Variants in DDX17 observed in about 807,000 individuals in gnomAD.
The protein encoded by DDX17 is probable ATP-dependent RNA helicase DDX17.
In DDX17, 10 loss-of-function variants were observed where a neutral mutation model predicts 80.8. That is an observed-to-expected ratio of 0.12 (90% confidence interval 0.08 to 0.21). DDX17 has a LOEUF of 0.21. DDX17 is among the 10% of genes least tolerant of loss of function. The pLI is 1.00. For missense variants in DDX17, 586 were observed against 957.4 expected (o/e 0.61, Z 5.12); for synonymous variants, 339 against 336.2 (o/e 1.01, Z -0.09).
intron 11 of DDX17, chr22:38,490,522 TC>T: frequency 8.7e-7 from 1 of 1,154,940 alleles, no homozygotes; most frequent in Non-Finnish European, 1.1e-6. Context: ...ATAAAAAATA[TC>T]CCAGTGGAAA....
chr22:38,492,962 A>C (rs1456564592), intron 10 of DDX17, among the ~76,000 whole-genome samples: 1 of 152,204 alleles, frequency 6.6e-6, no homozygotes, highest in Admixed American at 6.5e-5. Context: ...TTATATTTTT[A>C]TAATCAGAAG....
At position 38,483,759 on chromosome 22, in the gene DDX17, C is replaced by T. The variant is rs937477440; in HGVS notation, c.*2176G>A. On this transcript the variant is annotated 3_prime_UTR_variant, in exon 13 of 13. Transcript: ENST00000403230. ...ACCCTTTCCCTAAGTTGAGTTTCAA[C>T]CATGAATGCAATAACTAGCATAAAA... 3 of 152,228 alleles carry T rather than the reference C, an allele frequency of 2.0e-5. No individual in the cohort carries two copies. The highest frequency in any genetic ancestry group is 7.2e-5 in the African/African-American group (3 of 41,442). The allele number at this position is 152,228 out of a possible 1,614,324, so 9.4% of individuals were successfully genotyped here. A position where few individuals can be genotyped will look rare whatever the true frequency, so the allele number is the denominator to read the frequency against.
intron 11 of DDX17, chr22:38,488,543 C>A: frequency 4.0e-6 from 4 of 1,000,318 alleles, no homozygotes; most frequent in Non-Finnish European, 4.8e-6. Context: ...TTGGGAGAAG[C>A]CTGGCAAAAT....
At chr22:38,505,129 G>A (rs1171251556) in intron 1 of DDX17, 2 of 152,164 alleles carry the variant, frequency 1.3e-5, no homozygotes, top group African/African-American at 2.4e-5. Flanking sequence ...GGCTGGTCTC[G>A]AACTCCTGAC....
chr22:38,494,611 A>T lies in DDX17; in HGVS notation c.1214+19T>A. ...AGGTTTATCAGCATTATCAAATCAG[A>T]GTAAAATATCTTTCATACTTGTGGT... On this transcript the variant is annotated intron_variant, in intron 8 of 12. Transcript: ENST00000403230. The T allele has an allele frequency of 6.2e-7, 1 of 1,611,578 alleles. No homozygotes were observed. The highest frequency in any genetic ancestry group is 1.1e-5 in the South Asian group (1 of 90,914).
At chr22:38,496,226 T>C (rs952802568) in intron 5 of DDX17, among the ~76,000 whole-genome samples, 5 of 152,302 alleles carry the variant, frequency 3.3e-5, no homozygotes, top group East Asian at 1.9e-4. Context: ...AGTGGAGATA[T>C]AGATTGTATT....
intron 5 of DDX17, among the ~76,000 whole-genome samples, chr22:38,497,634 A>AAAGAAAG (rs2089783549): frequency 6.7e-6 from 1 of 149,778 alleles, no homozygotes. Context: ...AAAAAAAAAA[A>AAAGAAAG]AAAGAAAGAA....
At chr22:38,497,363 T>A (rs1296196515) in intron 5 of DDX17, among the ~76,000 whole-genome samples, 8 of 131,208 alleles carry the variant, frequency 6.1e-5, no homozygotes, top group African/African-American at 2.3e-4. Flanking sequence ...ACACCTGTAA[T>A]CCCAGCACCT....
chr22:38,504,880 A>AT (rs1491566801), intron 1 of DDX17, among the ~76,000 whole-genome samples: 2 of 151,700 alleles, frequency 1.3e-5, no homozygotes, highest in African/African-American at 4.9e-5. Flanking sequence ...ACACACACAC[A>AT]TATCAAGTGG....
intron 2 of DDX17, among the ~76,000 whole-genome samples, chr22:38,499,791 C>T (rs1196273373): frequency 6.6e-6 from 1 of 152,196 alleles, no homozygotes; most frequent in Non-Finnish European, 1.5e-5. Flanking sequence ...GACCCAAGTA[C>T]TCTTTCCATT....
intron 5 of DDX17, among the ~76,000 whole-genome samples, chr22:38,497,318 A>AAAAAAAAAAAC: frequency 6.9e-6 from 1 of 144,464 alleles, no homozygotes; most frequent in Non-Finnish European, 1.5e-5. Flanking sequence ...AAAAAAAAAA[A>AAAAAAAAAAAC]AAAAGTACAC....
At position 38,489,893 on chromosome 22, in the gene DDX17, G is replaced by A. The variant is rs536135539; in HGVS notation, c.1448-1778C>T. ...ATGGTATCTTCAGAGCTAGGATAAT[G>A]CTCCTTATGCAATCCCACTGCATAT... On this transcript the variant is annotated intron_variant, in intron 11 of 12. Coordinates refer to ENST00000403230, the MANE Select transcript of DDX17 (RefSeq NM_006386.5). This position sits in a 1 kb window ranked among gnomAD's most constrained non-coding sequence, Gnocchi z 4.6. 7.1e-6 allele frequency: 7 copies of A among 986,916 alleles called. No individual in the cohort carries two copies. The African/African-American group carries it at 8.7e-5, about 12-fold the overall frequency. The allele number at this position is 986,916 out of a possible 1,614,324, so 61.1% of individuals were successfully genotyped here.
chr22:38,497,183 C>A (rs2089777024), intron 5 of DDX17, among the ~76,000 whole-genome samples: 1 of 147,476 alleles, frequency 6.8e-6, no homozygotes, highest in Admixed American at 7.0e-5. Context: ...GTAATCCCAG[C>A]TGCTTGGGAA....
chr22:38,493,440 G>A, intron 10 of DDX17: 1 of 348,448 alleles, frequency 2.9e-6, no homozygotes, highest in South Asian at 5.9e-5. Context: ...ACGCGCCTCA[G>A]CCTCCCAAAG....
chr22:38,500,159 G>C (rs879096288), intron 2 of DDX17, among the ~76,000 whole-genome samples: 1 of 126,480 alleles, frequency 7.9e-6, no homozygotes, highest in African/African-American at 3.0e-5. Context: ...CTAGGGGACA[G>C]AGTGAGACTT....
At chr22:38,499,601 G>A (rs2089806368) in intron 2 of DDX17, 102 bp from the exon 3 acceptor site, 2 of 884,966 alleles carry the variant, frequency 2.3e-6, no homozygotes, top group Non-Finnish European at 3.7e-6. Context: ...CAGCTATGTT[G>A]GCAAATATTT....
chr22:38,490,167 T>A, intron 11 of DDX17: 1 of 1,170,214 alleles, frequency 8.5e-7, no homozygotes, highest in South Asian at 1.7e-5. Flanking sequence ...CAGTCAAGTC[T>A]ACCCTGATGT....
At chr22:38,487,619 A>AAAAC (rs752426612) in intron 12 of DDX17, among the ~76,000 whole-genome samples, 16 of 152,298 alleles carry the variant, frequency 1.1e-4, no homozygotes, top group Non-Finnish European at 1.8e-4. Flanking sequence ...ACTCCGTCTC[A>AAAAC]AAACAAACAA....
At chr22:38,503,463 T>G (rs1355353026) in intron 1 of DDX17, among the ~76,000 whole-genome samples, 1 of 152,230 alleles carries the variant, frequency 6.6e-6, no homozygotes, top group Non-Finnish European at 1.5e-5. Flanking sequence ...GGCTATTTAT[T>G]CAAGACATTC....
Sources: allele counts gnomAD v4.1 joint callset (sites outside exome capture counted in the v4.1 genomes callset), GRCh38; gene constraint gnomAD v4.1.1; non-coding constraint Gnocchi (gnomAD v3.1); transcripts MANE v1.5; gene names NCBI Gene and HGNC (gene_info 2026-07-23, HGNC 2026-07-21).